Variants in FOXN3 observed in about 807,000 individuals in gnomAD.
FOXN3 encodes forkhead box protein N3.
FOXN3 carries 7 observed loss-of-function variants against 38.4 expected under a neutral mutation model. That is an observed-to-expected ratio of 0.18 (90% confidence interval 0.10 to 0.34). The LOEUF (loss-of-function observed/expected upper bound fraction) is 0.34. Among genes scored for constraint, FOXN3 ranks in the 10% least tolerant of loss-of-function variants. FOXN3 has a pLI of 1.00. For missense variants in FOXN3, 456 were observed against 613.4 expected, an observed-to-expected ratio of 0.74 and a Z score of 2.71; for synonymous variants, 230 against 242.2, an observed-to-expected ratio of 0.95 and a Z score of 0.47.
At chr14:89,175,781 T>A (rs1887504835) in intron 5 of FOXN3, among the ~76,000 whole-genome samples, 1 of 152,140 alleles carries the variant, frequency 6.6e-6, no homozygotes, top group Non-Finnish European at 1.5e-5. Context: ...CATGTCATTC[T>A]TTTCTGCCAC....
At chr14:89,389,547 T>G (rs912101816) in intron 2 of FOXN3, among the ~76,000 whole-genome samples, 1 of 152,214 alleles carries the variant, frequency 6.6e-6, no homozygotes, top group Non-Finnish European at 1.5e-5. Flanking sequence ...CCTTTTTAAT[T>G]TGTCACTTTC....
chr14:89,185,387 T>A (rs537320022), intron 4 of FOXN3: 19 of 152,376 alleles, frequency 1.2e-4, no homozygotes, highest in African/African-American at 4.6e-4. Flanking sequence ...AGTTCACTAC[T>A]CTACATTAGG....
intron 2 of FOXN3, among the ~76,000 whole-genome samples, chr14:89,363,987 T>TA (rs1179570157): frequency 4.5e-5 from 3 of 67,172 alleles, no homozygotes; most frequent in African/African-American, 1.5e-4. Flanking sequence ...TATATATATA[T>TA]AATATATATA....
chr14:89,560,100 G>A (rs533336993), intron 1 of FOXN3, among the ~76,000 whole-genome samples: 56 of 152,296 alleles, frequency 3.7e-4, no homozygotes, highest in African/African-American at 1.2e-3. Context: ...GGAAGGTGAA[G>A]GGGAAGCAGG....
chr14:89,564,829 A>C (rs1895318864), intron 1 of FOXN3, among the ~76,000 whole-genome samples: 1 of 152,170 alleles, frequency 6.6e-6, no homozygotes, highest in African/African-American at 2.4e-5. Flanking sequence ...GCAGTGGCTC[A>C]TGCCTGTAAT....
chr14:89,172,441 CTA>C (rs1183640707), intron 5 of FOXN3, among the ~76,000 whole-genome samples: 2 of 152,196 alleles, frequency 1.3e-5, no homozygotes, highest in African/African-American at 4.8e-5. Context: ...CCATACCACT[CTA>C]GTCAGGAACC....
chr14:89,164,078 G>A lies in FOXN3; in HGVS notation c.852-1109C>T, dbSNP rs1455038067. On this transcript the variant is annotated intron_variant, in intron 5 of 5. Coordinates refer to ENST00000557258, the MANE Select transcript of FOXN3 (RefSeq NM_005197.4). The surrounding 1 kb of genome is among the most constrained non-coding windows in gnomAD (Gnocchi z 4.3). ...CCCGTGGGTGTGGGGCTGAGGACAC[G>A]AATTAATGCCTGCAGGTGCCTGGAC... 2.0e-5 allele frequency among the ~76,000 whole-genome samples: 3 copies of A among 152,220 alleles called. No homozygotes were observed. The highest frequency in any genetic ancestry group is 4.4e-5 in the Non-Finnish European group (3 of 68,052).
chr14:89,572,435 A>G (rs80142451), intron 1 of FOXN3, among the ~76,000 whole-genome samples: 1 of 152,370 alleles, frequency 6.6e-6, no homozygotes, highest in African/African-American at 2.4e-5. Flanking sequence ...AGACATGCTC[A>G]TAGGAATAAA....
At chr14:89,447,000 C>T (rs182475106) in intron 1 of FOXN3, among the ~76,000 whole-genome samples, 21 of 152,204 alleles carry the variant, frequency 1.4e-4, no homozygotes, top group African/African-American at 5.1e-4. Context: ...AGTTCGAGAC[C>T]AGCCTGACTA....
At chr14:89,312,408 T>A in intron 3 of FOXN3, among the ~76,000 whole-genome samples, 2 of 142,754 alleles carry the variant, frequency 1.4e-5, no homozygotes, top group African/African-American at 2.6e-5. Flanking sequence ...GTAAGGAAAA[T>A]CAAGCCAAAA....
chr14:89,542,010 A>G (rs561011643), intron 1 of FOXN3, among the ~76,000 whole-genome samples: 20 of 152,226 alleles, frequency 1.3e-4, no homozygotes, highest in African/African-American at 4.6e-4. Context: ...CTCGCGTAAG[A>G]AAGAATTCAG....
At chr14:89,245,327 C>T (rs534089829) in intron 4 of FOXN3, among the ~76,000 whole-genome samples, 88 of 152,248 alleles carry the variant, frequency 5.8e-4, no homozygotes, top group African/African-American at 2.1e-3. Flanking sequence ...TCATTCTCAC[C>T]TTTAAATATG....
chr14:89,342,399 T>C (rs536941116), intron 3 of FOXN3, among the ~76,000 whole-genome samples: 2 of 152,266 alleles, frequency 1.3e-5, no homozygotes, highest in African/African-American at 4.8e-5. Flanking sequence ...AAACGTATAA[T>C]GAACAGCATA....
chr14:89,386,023 C>T (rs1462573314), intron 2 of FOXN3, among the ~76,000 whole-genome samples: 1 of 152,228 alleles, frequency 6.6e-6, no homozygotes, highest in Non-Finnish European at 1.5e-5. Context: ...TACTCTCCAA[C>T]AACTGAAAAC....
intron 2 of FOXN3, among the ~76,000 whole-genome samples, chr14:89,374,210 G>C (rs1462422036): frequency 5.8e-5 from 7 of 121,722 alleles, no homozygotes; most frequent in Non-Finnish European, 8.0e-5. Flanking sequence ...GCTGCAGTGA[G>C]CCATGACTGT....
chr14:89,204,546 T>C (rs1008307947), intron 4 of FOXN3, among the ~76,000 whole-genome samples: 3 of 152,178 alleles, frequency 2.0e-5, no homozygotes, highest in Admixed American at 6.5e-5. Flanking sequence ...TTTTCTGAGA[T>C]GTGTTGATTC....
At position 89,325,214 on chromosome 14, in the gene FOXN3, G is replaced by GCACCAC. The variant is rs756831446; in HGVS notation, c.680+25452_680+25457dup. ...CTCCCATGCCCATGCCAACACACAT[G>GCACCAC]CACCACCACCACCACCATCACTACC... On this transcript the variant is annotated intron_variant, in intron 3 of 5. Transcript: ENST00000557258. Among the ~76,000 whole-genome samples the GCACCAC allele has an allele frequency of 8.6e-4, 120 of 140,134 alleles. 3 individuals are homozygous for GCACCAC. The highest frequency in any genetic ancestry group is 6.3e-3 in the South Asian group (27 of 4,272). The allele number at this position is 140,134 out of a possible 152,430, so 91.9% of individuals were successfully genotyped here.
intron 2 of FOXN3, among the ~76,000 whole-genome samples, chr14:89,374,978 G>GAA (rs71460268): frequency 1.1e-4 from 10 of 87,484 alleles, no homozygotes; most frequent in Admixed American, 4.1e-4. Context: ...CTCCGTCTCA[G>GAA]AAAAAAAAAA....
At chr14:89,501,893 C>T (rs1893808779) in intron 1 of FOXN3, among the ~76,000 whole-genome samples, 2 of 151,926 alleles carry the variant, frequency 1.3e-5, no homozygotes, top group African/African-American at 4.8e-5. Context: ...CGGCCAGGTG[C>T]GATGGCTCAC....
Sources: gnomAD v4.1 joint callset for allele counts (sites outside exome capture counted in the v4.1 genomes callset) on GRCh38, gnomAD v4.1.1 for gene constraint, Gnocchi (gnomAD v3.1) non-coding constraint, MANE v1.5 for transcripts, NCBI Gene and HGNC (gene_info 2026-07-23, HGNC 2026-07-21) for gene names.